TCF7L2: variants seen among roughly 807,000 people sequenced by gnomAD.
TCF7L2 encodes transcription factor 7 like 2, also known as transcription factor 7-like 2.
Under a neutral mutation model 77.9 loss-of-function variants are expected in TCF7L2, and 23 were observed. The ratio of observed to expected loss-of-function variants is 0.30; its 90% CI spans 0.21 to 0.42. TCF7L2 has a LOEUF of 0.42. Among genes scored for constraint, TCF7L2 ranks in the 10% least tolerant of loss-of-function variants. The pLI is 1.00. For missense variants in TCF7L2, 654 were observed against 793.1 expected, an observed-to-expected ratio of 0.82 and a Z score of 2.11; for synonymous variants, 413 against 340.2, an observed-to-expected ratio of 1.21 and a Z score of -2.36.
intron 4 of TCF7L2, among the ~76,000 whole-genome samples, chr10:113,020,483 C>T (rs950827063): frequency 6.6e-6 from 1 of 152,196 alleles, no homozygotes; most frequent in Non-Finnish European, 1.5e-5. Context: ...CTCTCCCTCT[C>T]CCTTTCATCC....
intron 5 of TCF7L2, among the ~76,000 whole-genome samples, chr10:113,078,225 G>A (rs1378516808): frequency 2.0e-5 from 3 of 151,922 alleles, no homozygotes; most frequent in African/African-American, 7.3e-5. Flanking sequence ...GGTAATGACT[G>A]TTATGGGGCA....
At chr10:112,951,036 C>G in intron 1 of TCF7L2, 91 bp downstream of exon 1, 1 of 1,465,452 alleles carries the variant, frequency 6.8e-7, no homozygotes, top group Non-Finnish European at 9.2e-7. Context: ...GGGCTGGGGG[C>G]GGCGGCGGGG....
At chr10:113,065,306 A>G (rs1421095934) in intron 5 of TCF7L2, among the ~76,000 whole-genome samples, 1 of 152,238 alleles carries the variant, frequency 6.6e-6, no homozygotes, top group African/African-American at 2.4e-5. Context: ...CAGTTTGGAA[A>G]CATTTTAGGT....
intron 5 of TCF7L2, 39 bp downstream of exon 5, chr10:113,040,165 G>A (rs1240731984): frequency 6.4e-7 from 1 of 1,573,332 alleles, no homozygotes; most frequent in Non-Finnish European, 8.7e-7. Context: ...CCTTTATTGA[G>A]GGGGTGAAAA....
At chr10:113,017,725 G>T (rs2047588159) in intron 4 of TCF7L2, among the ~76,000 whole-genome samples, 2 of 152,178 alleles carry the variant, frequency 1.3e-5, no homozygotes, top group Non-Finnish European at 2.9e-5. Flanking sequence ...TCATTATTGG[G>T]ATAACATTCC....
chr10:113,116,433 C>A (rs890034188), intron 5 of TCF7L2, among the ~76,000 whole-genome samples: 1 of 151,970 alleles, frequency 6.6e-6, no homozygotes, highest in Non-Finnish European at 1.5e-5. Context: ...GCAAACATTG[C>A]CAGTATCTTA....
intron 4 of TCF7L2, among the ~76,000 whole-genome samples, chr10:113,038,301 G>A (rs1340452092): frequency 6.6e-6 from 1 of 152,152 alleles, no homozygotes; most frequent in African/African-American, 2.4e-5. Context: ...GCAGGGTCTT[G>A]TGGCAAGATG....
chr10:113,119,652 C>G (rs1469093739), intron 5 of TCF7L2, among the ~76,000 whole-genome samples: 1 of 146,864 alleles, frequency 6.8e-6, no homozygotes, highest in African/African-American at 2.5e-5. Flanking sequence ...ACATTTTAGC[C>G]ATGGTGTCCC....
At chr10:113,158,171 G>A in intron 12 of TCF7L2, 102 bp downstream of exon 12, 1 of 1,254,864 alleles carries the variant, frequency 8.0e-7, no homozygotes, top group Non-Finnish European at 1.1e-6. Flanking sequence ...TCAAGGCCAG[G>A]ACATTGTGGG....
chr10:113,123,439 A>G (rs973460143), intron 5 of TCF7L2, among the ~76,000 whole-genome samples: 3 of 152,368 alleles, frequency 2.0e-5, no homozygotes, highest in African/African-American at 4.8e-5. Context: ...GATACACATA[A>G]GTATGTGTGT....
chr10:113,037,675 C>G (rs2134213566), intron 4 of TCF7L2, among the ~76,000 whole-genome samples: 1 of 152,330 alleles, frequency 6.6e-6, no homozygotes, highest in South Asian at 2.1e-4. Context: ...CAGGGCAGGT[C>G]TGTCACCTTC....
At chr10:113,128,516 C>T (rs140893965) in intron 5 of TCF7L2, among the ~76,000 whole-genome samples, 13 of 152,200 alleles carry the variant, frequency 8.5e-5, no homozygotes, top group Non-Finnish European at 1.5e-4. Context: ...GGTGTCCTGC[C>T]GCCAGAAGAA....
At chr10:113,036,103 T>G (rs1858497004) in intron 4 of TCF7L2, among the ~76,000 whole-genome samples, 1 of 131,182 alleles carries the variant, frequency 7.6e-6, no homozygotes, top group Middle Eastern at 3.8e-3. Context: ...CGCCATATCA[T>G]CATCATCATC....
intron 5 of TCF7L2, among the ~76,000 whole-genome samples, chr10:113,093,663 A>C (rs531432288): frequency 1.3e-5 from 2 of 152,318 alleles, no homozygotes; most frequent in African/African-American, 4.8e-5. Flanking sequence ...TCAGAAAGTC[A>C]ATATCCACCT....
intron 5 of TCF7L2, among the ~76,000 whole-genome samples, chr10:113,133,562 G>A (rs1340375556): frequency 6.6e-6 from 1 of 152,246 alleles, no homozygotes; most frequent in Non-Finnish European, 1.5e-5. Flanking sequence ...AGGACTTGAA[G>A]TGATCGAGTT....
chr10:113,159,091 CCACT>C (rs1454639549), intron 12 of TCF7L2, among the ~76,000 whole-genome samples: 2 of 150,806 alleles, frequency 1.3e-5, no homozygotes, highest in Non-Finnish European at 3.0e-5. Context: ...TTCATTGCTC[CCACT>C]AAGTTTTCTC....
intron 5 of TCF7L2, among the ~76,000 whole-genome samples, chr10:113,138,113 G>A (rs1466592003): frequency 6.6e-6 from 1 of 152,168 alleles, no homozygotes; most frequent in East Asian, 1.9e-4. Context: ...TGGACAGAGA[G>A]GAAGTTCTGT....
intron 4 of TCF7L2, among the ~76,000 whole-genome samples, chr10:113,032,713 C>T (rs1272264136): frequency 6.6e-6 from 1 of 152,208 alleles, no homozygotes; most frequent in African/African-American, 2.4e-5. Context: ...GCCACTCGCT[C>T]CTGTCACCTC....
intron 5 of TCF7L2, among the ~76,000 whole-genome samples, chr10:113,097,077 C>A (rs1555049111): frequency 7.7e-6 from 1 of 130,064 alleles, no homozygotes; most frequent in African/African-American, 2.9e-5. Flanking sequence ...ATGACAGTAG[C>A]TTGCCTGTGA....
Sources: gnomAD v4.1 joint callset for allele counts (sites outside exome capture counted in the v4.1 genomes callset) on GRCh38, gnomAD v4.1.1 for gene constraint, MANE v1.5 for transcripts, NCBI Gene and HGNC (gene_info 2026-07-23, HGNC 2026-07-21) for gene names.